The following RBM47 variants were observed in gnomAD, a reference collection of about 807,000 sequenced individuals.
RBM47 encodes the protein RNA binding motif protein 47.
RBM47 carries 21 observed loss-of-function variants against 47.1 expected under a neutral mutation model. The observed-to-expected ratio is 0.45, with a 90% confidence interval of 0.32 to 0.64. RBM47 has a LOEUF of 0.64. Among genes scored for constraint, RBM47 ranks in the 30% least tolerant of loss-of-function variants. RBM47 has a pLI of 0.05. For missense variants in RBM47, 708 were observed against 870.9 expected (o/e 0.81, Z 2.35); for synonymous variants, 375 against 361.7 (o/e 1.04, Z -0.42).
chr4:40,550,609 G>A (rs6447188), intron 1 of RBM47, among the ~76,000 whole-genome samples: 3 of 151,896 alleles, frequency 2.0e-5, no homozygotes, highest in Non-Finnish European at 2.9e-5. Flanking sequence ...AGTAGAGATG[G>A]AGTTTCACCA....
At chr4:40,487,561 GA>G (rs1721271615) in intron 2 of RBM47, among the ~76,000 whole-genome samples, 2 of 152,082 alleles carry the variant, frequency 1.3e-5, no homozygotes, top group Non-Finnish European at 2.9e-5. Context: ...AAATTGTTGG[GA>G]TAACAGGCGT....
At chr4:40,534,930 G>A (rs1205554164) in intron 2 of RBM47, among the ~76,000 whole-genome samples, 4 of 135,724 alleles carry the variant, frequency 2.9e-5, no homozygotes, top group Non-Finnish European at 4.6e-5. Context: ...GCAAGACTCC[G>A]TCTCAGAAAA....
chr4:40,457,055 G>A (rs951403622), intron 3 of RBM47, among the ~76,000 whole-genome samples: 2 of 152,100 alleles, frequency 1.3e-5, no homozygotes, highest in Non-Finnish European at 2.9e-5. Context: ...TGGCAGTAGA[G>A]TTGTTTTATA....
intron 1 of RBM47, among the ~76,000 whole-genome samples, chr4:40,557,639 C>T (rs1730226333): frequency 6.6e-6 from 1 of 152,132 alleles, no homozygotes; most frequent in South Asian, 2.1e-4. Context: ...ATCCCAGCTA[C>T]TTGGGATGCT....
At chr4:40,542,204 C>T (rs1728615638) in intron 2 of RBM47, among the ~76,000 whole-genome samples, 1 of 152,210 alleles carries the variant, frequency 6.6e-6, no homozygotes, top group Admixed American at 6.5e-5. Context: ...TGAAATCAAT[C>T]TCTTTAAGAG....
intron 2 of RBM47, among the ~76,000 whole-genome samples, chr4:40,493,113 G>A (rs1722109993): frequency 1.3e-5 from 2 of 152,136 alleles, no homozygotes; most frequent in African/African-American, 4.8e-5. Flanking sequence ...GCAAGCCTAC[G>A]ATGTCAACTT....
chr4:40,527,107 T>C (rs1294738996), intron 2 of RBM47, among the ~76,000 whole-genome samples: 1 of 152,032 alleles, frequency 6.6e-6, no homozygotes, highest in Non-Finnish European at 1.5e-5. Flanking sequence ...GTTGTTGGTT[T>C]TGTGTTTGTT....
intron 2 of RBM47, among the ~76,000 whole-genome samples, chr4:40,536,800 A>T (rs1160089886): frequency 6.6e-6 from 1 of 151,670 alleles, no homozygotes; most frequent in East Asian, 1.9e-4. Flanking sequence ...ATCTCAGCTC[A>T]CTATAACTTC....
chr4:40,571,587 T>C (rs1040517232), intron 1 of RBM47, among the ~76,000 whole-genome samples: 20 of 152,024 alleles, frequency 1.3e-4, no homozygotes, highest in African/African-American at 3.1e-4. Flanking sequence ...CAATAAAAGA[T>C]TGACAATTCA....
chr4:40,522,242 C>T (rs577723624), intron 2 of RBM47, among the ~76,000 whole-genome samples: 21 of 152,214 alleles, frequency 1.4e-4, no homozygotes, highest in Admixed American at 1.0e-3. Flanking sequence ...CAGTGGCTCA[C>T]GCCTGTAATC....
intron 1 of RBM47, among the ~76,000 whole-genome samples, chr4:40,592,960 TA>T (rs1560493170): frequency 1.0e-3 from 16 of 15,634 alleles, no homozygotes; most frequent in African/African-American, 3.7e-3. Flanking sequence ...TATATATATA[TA>T]TATATATATA....
At chr4:40,546,102 C>T (rs962569637) in intron 1 of RBM47, among the ~76,000 whole-genome samples, 2 of 152,068 alleles carry the variant, frequency 1.3e-5, no homozygotes, top group Non-Finnish European at 2.9e-5. Context: ...GCTTTTCTGC[C>T]TATACACAAA....
chr4:40,549,497 T>G (rs1269923710), intron 1 of RBM47, among the ~76,000 whole-genome samples: 3 of 151,064 alleles, frequency 2.0e-5, no homozygotes, highest in African/African-American at 7.3e-5. Context: ...AGTACATAGG[T>G]GCAATAAATG....
At chr4:40,587,442 C>T (rs907162784) in intron 1 of RBM47, among the ~76,000 whole-genome samples, 3 of 152,066 alleles carry the variant, frequency 2.0e-5, no homozygotes, top group African/African-American at 7.2e-5. Context: ...ATTTATGAAG[C>T]GCTAGGAGCC....
At chr4:40,563,914 A>G (rs1190851560) in intron 1 of RBM47, among the ~76,000 whole-genome samples, 1 of 152,218 alleles carries the variant, frequency 6.6e-6, no homozygotes, top group Non-Finnish European at 1.5e-5. Flanking sequence ...TGTAAAAAAG[A>G]AAGCTATGAA....
At chr4:40,583,124 A>G (rs1457320325) in intron 1 of RBM47, among the ~76,000 whole-genome samples, 1 of 152,132 alleles carries the variant, frequency 6.6e-6, no homozygotes, top group Non-Finnish European at 1.5e-5. Context: ...GAGCAAAGGG[A>G]GACAAAAGCA....
chr4:40,541,851 C>T (rs1453491010), intron 2 of RBM47, among the ~76,000 whole-genome samples: 1 of 152,214 alleles, frequency 6.6e-6, no homozygotes, highest in African/African-American at 2.4e-5. Flanking sequence ...GTTCAAGTAG[C>T]TGCCTCTGTT....
At chr4:40,611,975 G>A (rs532895673) in intron 1 of RBM47, among the ~76,000 whole-genome samples, 1 of 152,136 alleles carries the variant, frequency 6.6e-6, no homozygotes, top group Non-Finnish European at 1.5e-5. Context: ...CAAGACTCAG[G>A]CCTCTTCAGA....
At chr4:40,449,553 T>C (rs1715082463) in intron 3 of RBM47, among the ~76,000 whole-genome samples, 1 of 152,202 alleles carries the variant, frequency 6.6e-6, no homozygotes, top group Non-Finnish European at 1.5e-5. Context: ...CCTTTTGCTG[T>C]GGGTTCTCAG....
Sources: allele counts gnomAD v4.1 joint callset (sites outside exome capture counted in the v4.1 genomes callset), GRCh38; gene constraint gnomAD v4.1.1; transcripts MANE v1.5; gene names NCBI Gene and HGNC (gene_info 2026-07-23, HGNC 2026-07-21).